The following TTC29 variants were observed in gnomAD, a reference collection of about 807,000 sequenced individuals.
TTC29 encodes tetratricopeptide repeat domain 29, also known as tetratricopeptide repeat protein 29.
TTC29 carries 49 observed loss-of-function variants against 58.1 expected under a neutral mutation model. The ratio of observed to expected loss-of-function variants is 0.84; its 90% confidence interval spans 0.67 to 1.07. The LOEUF (loss-of-function observed/expected upper bound fraction) is 1.07. TTC29 is among the 50% of genes least tolerant of loss of function. The pLI, the probability that TTC29 is intolerant of heterozygous loss-of-function variation, is 0.00. For synonymous variants in TTC29, 209 were observed against 196.8 expected (o/e 1.06, Z -0.52); for missense variants, 582 against 555.6 (o/e 1.05, Z -0.48).
In TTC29 at chr4:146,918,110, C is replaced by T. The variant is rs114374651; in HGVS notation, c.177-8861G>A. Among the ~76,000 whole-genome samples, 682 of 150,826 alleles carry T rather than the reference C, an allele frequency of 4.5e-3. 6 individuals are homozygous for T. The highest frequency in any genetic ancestry group is 0.015 in the African/African-American group (613 of 41,392). On this transcript the variant is annotated intron_variant, in intron 4 of 12. Coordinates refer to ENST00000325106, the MANE Select transcript of TTC29 (RefSeq NM_031956.4). ...CGCGTTTACTAATTTGAACTTTAGACGAAACTGTTACATATGCAAGTTTTG... is the reference window on the plus strand; with the variant it reads ...CGCGTTTACTAATTTGAACTTTAGATGAAACTGTTACATATGCAAGTTTTG...
At chr4:146,909,996 C>A (rs1733789507) in intron 4 of TTC29, among the ~76,000 whole-genome samples, 1 of 151,724 alleles carries the variant, frequency 6.6e-6, no homozygotes, top group Admixed American at 6.6e-5. Flanking sequence ...ACGAAAATTT[C>A]TAGAAAGGAA....
At chr4:146,902,802 C>T (rs996052466) in intron 6 of TTC29, among the ~76,000 whole-genome samples, 2 of 152,124 alleles carry the variant, frequency 1.3e-5, no homozygotes, top group Non-Finnish European at 2.9e-5. Flanking sequence ...CTTTCAAAGT[C>T]CTATGCAGTC....
At chr4:146,773,852 A>T (rs1404019638) in intron 11 of TTC29, among the ~76,000 whole-genome samples, 1 of 151,812 alleles carries the variant, frequency 6.6e-6, no homozygotes, top group East Asian at 1.9e-4. Flanking sequence ...GGTAGAATTC[A>T]GCTGTGAATC....
intron 2 of TTC29, chr4:146,942,749 T>A (rs1736528058): frequency 1.2e-6 from 1 of 801,474 alleles, no homozygotes; most frequent in African/African-American, 1.7e-5. Flanking sequence ...CATTCCATCC[T>A]CTATAAATTT....
chr4:146,750,948 C>T (rs1745938221), intron 11 of TTC29, among the ~76,000 whole-genome samples: 2 of 152,108 alleles, frequency 1.3e-5, no homozygotes, highest in African/African-American at 2.4e-5. Context: ...AAAAACAACA[C>T]CTAAATATTC....
intron 11 of TTC29, among the ~76,000 whole-genome samples, chr4:146,749,955 G>A (rs1745852932): frequency 6.6e-6 from 1 of 152,114 alleles, no homozygotes; most frequent in African/African-American, 2.4e-5. Flanking sequence ...CAAAACGAAG[G>A]AGAAATAAAG....
intron 4 of TTC29, among the ~76,000 whole-genome samples, chr4:146,923,611 A>G (rs1470426749): frequency 6.6e-6 from 1 of 151,862 alleles, no homozygotes; most frequent in Non-Finnish European, 1.5e-5. Flanking sequence ...TGAAGCCAGG[A>G]ATGTGAAGAG....
intron 4 of TTC29, among the ~76,000 whole-genome samples, chr4:146,913,616 T>C (rs1445247009): frequency 1.3e-5 from 2 of 152,108 alleles, no homozygotes; most frequent in Non-Finnish European, 2.9e-5. Context: ...TTGCTGGTGC[T>C]CAATCAATCT....
chr4:146,895,005 G>C (rs1225018826), intron 6 of TTC29, among the ~76,000 whole-genome samples: 1 of 152,146 alleles, frequency 6.6e-6, no homozygotes, highest in East Asian at 1.9e-4. Context: ...CAAACAGTGA[G>C]TGTTGTTCCC....
At chr4:146,841,484 G>A (rs1728849059) in intron 8 of TTC29, among the ~76,000 whole-genome samples, 1 of 152,002 alleles carries the variant, frequency 6.6e-6, no homozygotes, top group Admixed American at 6.6e-5. Flanking sequence ...CACCATAGAA[G>A]CCATCATATG....
chr4:146,922,012 C>CAAAAAAAAAAAAAAAAA (rs34167190), intron 4 of TTC29, among the ~76,000 whole-genome samples: 1 of 107,438 alleles, frequency 9.3e-6, no homozygotes, highest in African/African-American at 3.8e-5. Flanking sequence ...GGATCCCCTA[C>CAAAAAAAAAAAAAAAAA]AAAAAAAAAA....
intron 11 of TTC29, among the ~76,000 whole-genome samples, chr4:146,783,672 G>A (rs1748788528): frequency 1.3e-5 from 2 of 152,058 alleles, no homozygotes; most frequent in Non-Finnish European, 2.9e-5. Flanking sequence ...TCTCAACTGA[G>A]AAAGGAGCTA....
At chr4:146,789,040 G>A (rs575367708) in intron 11 of TTC29, among the ~76,000 whole-genome samples, 17 of 152,270 alleles carry the variant, frequency 1.1e-4, no homozygotes, top group African/African-American at 3.8e-4. Context: ...TATTCCATCT[G>A]TGAATTTATA....
At chr4:146,897,232 T>C (rs1732828385) in intron 6 of TTC29, among the ~76,000 whole-genome samples, 1 of 152,162 alleles carries the variant, frequency 6.6e-6, no homozygotes, top group South Asian at 2.1e-4. Context: ...TCCTTATGCA[T>C]AATTTGAAGA....
At chr4:146,741,320 A>T (rs1020915767) in intron 11 of TTC29, among the ~76,000 whole-genome samples, 22 of 152,164 alleles carry the variant, frequency 1.4e-4, no homozygotes, top group African/African-American at 3.9e-4. Context: ...TACCCAGTGG[A>T]AGACACAAAT....
intron 8 of TTC29, among the ~76,000 whole-genome samples, chr4:146,862,152 A>G (rs67397718): frequency 0.032 from 4,937 of 152,044 alleles, 133 homozygotes; most frequent in East Asian, 0.13. Context: ...TCGAAAGAAA[A>G]CTTTAAAAAA....
chr4:146,715,716 A>G (rs1742879671), intron 11 of TTC29, among the ~76,000 whole-genome samples: 2 of 152,124 alleles, frequency 1.3e-5, no homozygotes, highest in South Asian at 4.1e-4. Flanking sequence ...CAGGGTGGAT[A>G]TGGTTAACTA....
rs569377074 is a variant in TTC29 at position 146,817,760 on chromosome 4, G to A, written c.1101+2365C>T. 3.3e-5 allele frequency among the ~76,000 whole-genome samples: 5 copies of A among 152,234 alleles called. No homozygotes were observed. The East Asian group carries it at 9.7e-4, about 29-fold the overall frequency. On this transcript the variant is annotated intron_variant, in intron 10 of 12. Transcript: ENST00000325106. Reference sequence around the variant, plus strand: ...ATATAGATCAATGGAACAGAACAGAGCCCTCAGAAATAACGCCATGTATCT... The same window carrying A: ...ATATAGATCAATGGAACAGAACAGAACCCTCAGAAATAACGCCATGTATCT...
At chr4:146,742,731 GCT>G (rs1745257756) in intron 11 of TTC29, among the ~76,000 whole-genome samples, 1 of 92,662 alleles carries the variant, frequency 1.1e-5, no homozygotes, top group African/African-American at 4.3e-5. Context: ...CCTCCCTTCT[GCT>G]CTCTTCCCCT....
Sources: allele counts gnomAD v4.1 joint callset (sites outside exome capture counted in the v4.1 genomes callset), GRCh38; gene constraint gnomAD v4.1.1; transcripts MANE v1.5; gene names NCBI Gene and HGNC (gene_info 2026-07-23, HGNC 2026-07-21).